ATP8A2: variants seen among roughly 807,000 people sequenced by gnomAD.
ATP8A2 encodes the protein ATPase phospholipid transporting 8A2.
In ATP8A2, 100 loss-of-function variants were observed where a neutral mutation model predicts 165.6. That is an observed-to-expected ratio of 0.60 (90% CI 0.51 to 0.71). The LOEUF (loss-of-function observed/expected upper bound fraction) is 0.71, where lower values mean the gene tolerates loss of function less well. Among genes scored for constraint, ATP8A2 ranks in the 30% least tolerant of loss-of-function variants. The pLI, the probability that ATP8A2 is intolerant of heterozygous loss-of-function variation, is 0.00. For missense variants in ATP8A2, 1,227 were observed against 1,479.5 expected, an observed-to-expected ratio of 0.83 and a Z score of 2.80; for synonymous variants, 543 against 548.8, an observed-to-expected ratio of 0.99 and a Z score of 0.15.
chr13:25,814,166 G>A (rs1950951280), intron 27 of ATP8A2, among the ~76,000 whole-genome samples: 1 of 151,950 alleles, frequency 6.6e-6, no homozygotes, highest in Non-Finnish European at 1.5e-5. Flanking sequence ...GGGTTGTGAT[G>A]AATATCTGTG....
At chr13:25,590,729 C>T (rs902286737) in intron 24 of ATP8A2, among the ~76,000 whole-genome samples, 4 of 152,182 alleles carry the variant, frequency 2.6e-5, no homozygotes, top group South Asian at 2.1e-4. Context: ...GCAGATGGCA[C>T]GGTTAATTAC....
intron 2 of ATP8A2, among the ~76,000 whole-genome samples, chr13:25,498,687 G>T (rs183858082): frequency 4.7e-4 from 71 of 152,304 alleles, no homozygotes; most frequent in African/African-American, 1.5e-3. Flanking sequence ...AAAATTGAAG[G>T]TAGGGGTTTA....
At chr13:25,645,245 C>G (rs1350074836) in intron 24 of ATP8A2, among the ~76,000 whole-genome samples, 1 of 152,054 alleles carries the variant, frequency 6.6e-6, no homozygotes, top group African/African-American at 2.4e-5. Flanking sequence ...AGCAGAAATC[C>G]CCAGTAAATG....
Position 25,551,346 on chromosome 13 carries a change from C to T in ATP8A2, c.900C>T (p.Thr300=). ...TCAATGCTGTTGTGTAGAATTCAAC[C>T]AAAGCGCCTCTCAAGAGATCAAATG... is the stretch of plus-strand genomic sequence containing the variant. ...GHDTKLMQNS[T]KAPLKRSNVE... Residue 300 remains threonine, a synonymous_variant, in exon 11 of 37, where the codon ACC becomes ACT. Coordinates refer to ENST00000381655, the MANE Select transcript of ATP8A2 (RefSeq NM_016529.6). The T allele has an allele frequency of 2.5e-6, 4 of 1,613,418 alleles. No individual in the cohort carries two copies. The highest frequency in any genetic ancestry group is 2.5e-6 in the Non-Finnish European group (3 of 1,179,606).
intron 24 of ATP8A2, among the ~76,000 whole-genome samples, chr13:25,666,236 AG>A (rs1170972794): frequency 4.6e-5 from 7 of 151,986 alleles, no homozygotes; most frequent in Admixed American, 3.9e-4. Flanking sequence ...TTTGAGACCT[AG>A]TCTTGCTCTG....
chr13:25,661,702 G>C (rs1268622875), intron 24 of ATP8A2, among the ~76,000 whole-genome samples: 3 of 152,230 alleles, frequency 2.0e-5, no homozygotes, highest in South Asian at 2.1e-4. Flanking sequence ...ATCATGGATA[G>C]TGTGACCTAC....
chr13:25,871,167 T>A (rs946073452), intron 33 of ATP8A2: 1 of 402,648 alleles, frequency 2.5e-6, no homozygotes, highest in South Asian at 1.8e-5. Flanking sequence ...TTCATTCTGA[T>A]GTTAATTTTT....
intron 1 of ATP8A2, among the ~76,000 whole-genome samples, chr13:25,432,291 C>G (rs111423391): frequency 6.6e-6 from 1 of 152,168 alleles, no homozygotes; most frequent in Admixed American, 6.5e-5. Context: ...CAGTTTACCT[C>G]GGAGGTCCTT....
chr13:25,497,906 G>A (rs1331281481), intron 2 of ATP8A2, among the ~76,000 whole-genome samples: 1 of 152,096 alleles, frequency 6.6e-6, no homozygotes, highest in East Asian at 1.9e-4. Flanking sequence ...AGGTTGCAGT[G>A]AGCCGAGATC....
intron 33 of ATP8A2, among the ~76,000 whole-genome samples, chr13:25,869,529 A>G (rs963476372): frequency 1.1e-4 from 17 of 152,302 alleles, no homozygotes; most frequent in African/African-American, 3.6e-4. Flanking sequence ...AGCTAATTCT[A>G]TTGTCTGTAA....
chr13:25,947,241 C>G (rs373927388), intron 33 of ATP8A2, among the ~76,000 whole-genome samples: 2 of 152,286 alleles, frequency 1.3e-5, no homozygotes, highest in African/African-American at 4.8e-5. Context: ...GAGTGACTGA[C>G]AGGGACTTTT....
intron 1 of ATP8A2, among the ~76,000 whole-genome samples, chr13:25,448,519 C>T (rs1380043661): frequency 1.3e-5 from 2 of 152,156 alleles, no homozygotes; most frequent in East Asian, 3.8e-4. Context: ...GAAATGGTGT[C>T]ATATTTTATA....
At chr13:25,622,224 T>A (rs1173466522) in intron 24 of ATP8A2, among the ~76,000 whole-genome samples, 6 of 131,830 alleles carry the variant, frequency 4.6e-5, no homozygotes, top group Admixed American at 3.1e-4. Flanking sequence ...AAAAAAAAAA[T>A]TAAGCCTTCA....
intron 1 of ATP8A2, among the ~76,000 whole-genome samples, chr13:25,451,056 C>T (rs957973028): frequency 6.6e-6 from 1 of 152,078 alleles, no homozygotes; most frequent in East Asian, 1.9e-4. Context: ...TCCTCTCTAA[C>T]CCCTTTTTCC....
intron 35 of ATP8A2, among the ~76,000 whole-genome samples, chr13:25,989,015 T>C (rs1956328808): frequency 6.6e-6 from 1 of 152,270 alleles, no homozygotes; most frequent in Admixed American, 6.5e-5. Context: ...TTGTGAACTC[T>C]GGCAGGACAT....
At chr13:25,866,469 G>A (rs940058046) in intron 33 of ATP8A2, among the ~76,000 whole-genome samples, 1 of 152,056 alleles carries the variant, frequency 6.6e-6, no homozygotes, top group African/African-American at 2.4e-5. Flanking sequence ...AATTCTTTTA[G>A]CCAAAGAATT....
intron 33 of ATP8A2, among the ~76,000 whole-genome samples, chr13:25,873,611 G>T (rs1296558490): frequency 6.6e-6 from 1 of 151,118 alleles, no homozygotes; most frequent in South Asian, 2.1e-4. Flanking sequence ...ATGAATCCAG[G>T]CTCTGTTATT....
chr13:25,933,028 G>T (rs1464997642), intron 33 of ATP8A2, among the ~76,000 whole-genome samples: 5 of 152,130 alleles, frequency 3.3e-5, no homozygotes, highest in Non-Finnish European at 7.3e-5. Context: ...TGTATATTTT[G>T]GTAGGGACAG....
At position 26,020,789 on chromosome 13, in the gene ATP8A2, G is replaced by A. The variant is rs1957071036; in HGVS notation, c.*804G>A. On this transcript the variant is annotated 3_prime_UTR_variant, in exon 37 of 37. Coordinates refer to ENST00000381655, the MANE Select transcript of ATP8A2 (RefSeq NM_016529.6). The stretch of plus-strand genomic sequence containing the variant: ...CCACTGCAGACTCAGATACAGATGC[G>A]AAAAATTCCTTCTTCCACCGCCCTT... The A allele has an allele frequency of 1.3e-5, 2 of 152,270 alleles. No individual in the cohort carries two copies. Among genetic ancestry groups the A allele is most frequent in the Non-Finnish European group, 2.9e-5 (2 of 68,108 alleles). 9.4% of individuals were successfully genotyped at this position (152,270 alleles called of 1,614,324 possible).
Sources: allele counts gnomAD v4.1 joint callset (sites outside exome capture counted in the v4.1 genomes callset), GRCh38; gene constraint gnomAD v4.1.1; transcripts MANE v1.5; gene names NCBI Gene and HGNC (gene_info 2026-07-23, HGNC 2026-07-21).